The following NRG3 variants were observed in gnomAD, a reference collection of about 807,000 sequenced individuals.
NRG3 encodes pro-neuregulin-3, membrane-bound isoform.
A neutral mutation model predicts 66.9 loss-of-function variants in NRG3; 31 were observed. The observed-to-expected ratio is 0.46, with a 90% CI of 0.35 to 0.63. The LOEUF is 0.63. Among genes scored for constraint, NRG3 ranks in the 20% least tolerant of loss-of-function variants. NRG3 has a pLI of 0.00. For synonymous variants in NRG3, 393 were observed against 359.4 expected (o/e 1.09, Z -1.06); for missense variants, 910 against 878.9 (o/e 1.04, Z -0.45).
intron 2 of NRG3, among the ~76,000 whole-genome samples, chr10:82,378,276 T>C (rs2085387413): frequency 1.3e-5 from 2 of 152,144 alleles, no homozygotes; most frequent in African/African-American, 4.8e-5. Context: ...TCCAGTGAAA[T>C]ACGTCTGTGG....
intron 2 of NRG3, among the ~76,000 whole-genome samples, chr10:82,501,966 A>T (rs1030800891): frequency 3.3e-5 from 5 of 152,090 alleles, no homozygotes; most frequent in Non-Finnish European, 7.4e-5. Flanking sequence ...GGCACATAAC[A>T]TAGGAGCCGC....
At chr10:82,220,793 A>G (rs1038742978) in intron 1 of NRG3, among the ~76,000 whole-genome samples, 3 of 152,186 alleles carry the variant, frequency 2.0e-5, no homozygotes, top group Non-Finnish European at 4.4e-5. Flanking sequence ...GAGGCTTACA[A>G]CACAAGCCTG....
intron 1 of NRG3, among the ~76,000 whole-genome samples, chr10:81,968,929 G>A (rs1284025409): frequency 6.6e-6 from 1 of 152,210 alleles, no homozygotes; most frequent in East Asian, 1.9e-4. Context: ...AGTGAGGCGA[G>A]GTTGTTAGGT....
chr10:82,687,347 A>C (rs1439473922), intron 2 of NRG3, among the ~76,000 whole-genome samples: 1 of 152,082 alleles, frequency 6.6e-6, no homozygotes, highest in African/African-American at 2.4e-5. Flanking sequence ...CCATCACTGC[A>C]TCCCTGCTTG....
In NRG3 at chr10:82,582,662, T is replaced by TG. The variant is rs2046424060; in HGVS notation, c.954-155915_954-155914insG. On this transcript the variant is annotated intron_variant, in intron 2 of 8. Coordinates refer to ENST00000372141, the MANE Select transcript of NRG3 (RefSeq NM_001010848.4). ...GAAGAGGGAAAAATATCTATATGTG[T>TG]TGTGTGTGTGTGTGTGTGTGTGTGT... Among the ~76,000 whole-genome samples the TG allele has an allele frequency of 4.8e-3, 707 of 146,472 alleles. 8 individuals carry two copies. Among genetic ancestry groups the TG allele is most frequent in the African/African-American group, 0.016 (630 of 40,308 alleles).
intron 2 of NRG3, among the ~76,000 whole-genome samples, chr10:82,686,591 C>T (rs886849829): frequency 2.0e-5 from 3 of 152,184 alleles, no homozygotes; most frequent in Non-Finnish European, 4.4e-5. Flanking sequence ...TCGTGACGAC[C>T]ATGTCACTAG....
intron 2 of NRG3, among the ~76,000 whole-genome samples, chr10:82,379,951 A>C (rs2085503846): frequency 2.0e-5 from 3 of 151,652 alleles, no homozygotes; most frequent in Non-Finnish European, 4.4e-5. Context: ...CAAAAAAGCC[A>C]CAAATTCAAC....
At chr10:82,718,836 T>TAAAGTACTAATTATAAA (rs1174869615) in intron 2 of NRG3, among the ~76,000 whole-genome samples, 1 of 152,240 alleles carries the variant, frequency 6.6e-6, no homozygotes, top group Non-Finnish European at 1.5e-5. Context: ...TAAAATTGAC[T>TAAAGTACTAATTATAAA]AATGATGTTG....
At chr10:82,358,922 G>T (rs984844666) in intron 2 of NRG3, 54 bp downstream of exon 2, 1 of 1,611,496 alleles carries the variant, frequency 6.2e-7, no homozygotes, top group African/African-American at 1.3e-5. Context: ...AGGCGTGGGG[G>T]TGGAGGGTGC....
At chr10:82,171,378 C>A (rs1195127254) in intron 1 of NRG3, among the ~76,000 whole-genome samples, 1 of 100,726 alleles carries the variant, frequency 9.9e-6, no homozygotes, top group Non-Finnish European at 2.8e-5. Context: ...GGATTTAAAG[C>A]ACTGCTTCTA....
intron 3 of NRG3, among the ~76,000 whole-genome samples, chr10:82,851,739 T>TG (rs2063571291): frequency 6.6e-6 from 1 of 151,344 alleles, no homozygotes; most frequent in Non-Finnish European, 1.5e-5. Flanking sequence ...GCTATATAGT[T>TG]TTTTTCTTTT....
chr10:82,794,518 T>C (rs553322200), intron 3 of NRG3, among the ~76,000 whole-genome samples: 14 of 152,142 alleles, frequency 9.2e-5, no homozygotes, highest in Non-Finnish European at 1.5e-4. Context: ...CCTAATCTGC[T>C]CATTTGTTTA....
At chr10:82,285,258 AG>A (rs926007341) in intron 1 of NRG3, among the ~76,000 whole-genome samples, 5 of 152,176 alleles carry the variant, frequency 3.3e-5, no homozygotes, top group African/African-American at 1.2e-4. Context: ...CACCTGGGTC[AG>A]GGGGTGGAGA....
chr10:82,951,969 A>G (rs1232572026), intron 5 of NRG3, among the ~76,000 whole-genome samples: 1 of 152,150 alleles, frequency 6.6e-6, no homozygotes, highest in Non-Finnish European at 1.5e-5. Context: ...TTATCTATCT[A>G]TTTCTGAAAA....
chr10:82,131,813 T>C (rs899688679), intron 1 of NRG3, among the ~76,000 whole-genome samples: 2 of 152,108 alleles, frequency 1.3e-5, no homozygotes, highest in Non-Finnish European at 2.9e-5. Flanking sequence ...ATGAGATTAC[T>C]TTTTTATTTC....
intron 1 of NRG3, among the ~76,000 whole-genome samples, chr10:82,046,525 T>C (rs79194735): frequency 0.055 from 1,288 of 23,442 alleles, 276 homozygotes; most frequent in Middle Eastern, 0.4. Context: ...CAGGGACAAT[T>C]TGACGTCCTC....
chr10:82,889,815 C>G (rs1842996055), intron 4 of NRG3, among the ~76,000 whole-genome samples: 1 of 152,170 alleles, frequency 6.6e-6, no homozygotes, highest in South Asian at 2.1e-4. Context: ...TTTCTGATGG[C>G]TCTACAGTTG....
chr10:82,845,253 T>C (rs2063254195), intron 3 of NRG3, among the ~76,000 whole-genome samples: 1 of 152,258 alleles, frequency 6.6e-6, no homozygotes, highest in African/African-American at 2.4e-5. Context: ...AGGACTTGGC[T>C]TACTGAATGA....
chr10:81,995,411 G>A (rs1047567735), intron 1 of NRG3, among the ~76,000 whole-genome samples: 1 of 152,112 alleles, frequency 6.6e-6, no homozygotes, highest in African/African-American at 2.4e-5. Context: ...CATGCATGTT[G>A]TGGCCGGAAT....
Sources: gnomAD v4.1 joint callset for allele counts (sites outside exome capture counted in the v4.1 genomes callset) on GRCh38, gnomAD v4.1.1 for gene constraint, MANE v1.5 for transcripts, NCBI Gene and HGNC (gene_info 2026-07-23, HGNC 2026-07-21) for gene names.